The following ESYT2 variants were observed in gnomAD, a reference collection of about 807,000 sequenced individuals.
ESYT2 encodes extended synaptotagmin 2, also known as extended synaptotagmin-2.
ESYT2 carries 54 observed loss-of-function variants against 107.2 expected under a neutral mutation model. The ratio of observed to expected loss-of-function variants is 0.50; its 90% CI spans 0.40 to 0.63. The LOEUF (loss-of-function observed/expected upper bound fraction) is 0.63. Ranked by LOEUF, ESYT2 falls within the 30% of genes least tolerant of loss-of-function variation. The probability of loss-of-function intolerance (pLI) is 0.00; values close to 1 mark genes in which losing one functional copy is unlikely to be tolerated. For missense variants in ESYT2, 1,020 were observed against 1,094.5 expected, an observed-to-expected ratio of 0.93 and a Z score of 0.96; for synonymous variants, 491 against 434.1, an observed-to-expected ratio of 1.13 and a Z score of -1.63.
intron 11 of ESYT2, among the ~76,000 whole-genome samples, chr7:158,760,962 A>G (rs1006881950): frequency 3.3e-5 from 5 of 152,238 alleles, no homozygotes; most frequent in African/African-American, 1.2e-4. Context: ...TGCTTCATTT[A>G]TCTAAATCTT....
rs749928921 is a variant in ESYT2 at position 158,800,729 on chromosome 7, C to CT, written c.331-1658dup. ...TAGGTTTCTTTTTCTTTTTTCTTTT[C>CT]TTTTCTTTTTTTTTTTTGAGACAGA... On this transcript the variant is annotated intron_variant, in intron 1 of 22. Transcript: ENST00000275418. Among the ~76,000 whole-genome samples, 1,504 of 118,566 alleles carry CT rather than the reference C, an allele frequency of 0.013. 63 individuals carry two copies. The East Asian group carries it at 0.14, about 11-fold the overall frequency. 77.8% of individuals were successfully genotyped at this position (118,566 alleles called of 152,430 possible).
rs545551186 is a variant in ESYT2 at position 158,732,206 on chromosome 7, C to T, written c.*2001G>A. On this transcript the variant is annotated 3_prime_UTR_variant, in exon 23 of 23. Coordinates refer to ENST00000275418, the MANE Select transcript of ESYT2 (RefSeq NM_001367773.1). ...AAAAATTACTGGCATGCTACAATTT[C>T]CATGAGTGCTGCTGCTTTATAGATT... The T allele has an allele frequency of 2.6e-5, 4 of 152,302 alleles. No homozygotes were observed. The highest frequency in any genetic ancestry group is 3.9e-4 in the East Asian group (2 of 5,180). The allele number at this position is 152,302 out of a possible 1,614,324, so 9.4% of individuals were successfully genotyped here.
intron 7 of ESYT2, among the ~76,000 whole-genome samples, chr7:158,771,939 C>T (rs112718707): frequency 7.6e-4 from 115 of 151,876 alleles, no homozygotes; most frequent in African/African-American, 2.7e-3. Flanking sequence ...GCCAACATGG[C>T]GAAACCCCAT....
At chr7:158,806,278 A>G (rs1403095009) in intron 1 of ESYT2, among the ~76,000 whole-genome samples, 1 of 152,164 alleles carries the variant, frequency 6.6e-6, no homozygotes, top group African/African-American at 2.4e-5. Flanking sequence ...ATCAGAAAAC[A>G]GAGTCAAAGA....
intron 1 of ESYT2, 128 bp from the exon 2 acceptor site, chr7:158,799,200 C>A: frequency 1.2e-6 from 1 of 817,362 alleles, no homozygotes; most frequent in East Asian, 2.6e-5. Context: ...ACACTCTGCT[C>A]TAAAGCTTGG....
chr7:158,759,594 G>C lies in ESYT2; in HGVS notation c.1324-13C>G. The C allele has an allele frequency of 3.8e-6, 6 of 1,597,620 alleles. No individual in the cohort carries two copies. The highest frequency in any genetic ancestry group is 5.1e-6 in the Non-Finnish European group (6 of 1,168,322). ...TGTCTGTTAGCACCTAAAAGGAAAGGAAAAAGCCCTTAGCAGCCATGTTTC... is the reference window on the plus strand; with the variant it reads ...TGTCTGTTAGCACCTAAAAGGAAAGCAAAAAGCCCTTAGCAGCCATGTTTC... On this transcript the variant is annotated splice_polypyrimidine_tract_variant and intron_variant, in intron 12 of 22. Coordinates refer to ENST00000275418, the MANE Select transcript of ESYT2 (RefSeq NM_001367773.1).
intron 1 of ESYT2, among the ~76,000 whole-genome samples, chr7:158,814,302 T>C: frequency 2.5e-4 from 1 of 4,022 alleles, no homozygotes; most frequent in East Asian, 3.1e-3. Flanking sequence ...TATATATATA[T>C]ATATATATAT....
intron 16 of ESYT2, among the ~76,000 whole-genome samples, chr7:158,745,153 T>C (rs867022187): frequency 1.7e-5 from 2 of 119,462 alleles, no homozygotes; most frequent in South Asian, 2.6e-4. Context: ...TGAGACAGGG[T>C]CAGGCAAGCG....
chr7:158,792,821 C>T (rs535829719), intron 4 of ESYT2, among the ~76,000 whole-genome samples: 81 of 136,360 alleles, frequency 5.9e-4, no homozygotes, highest in African/African-American at 2.1e-3. Flanking sequence ...CAGGCTGGAG[C>T]GCAGTGGCAT....
At chr7:158,778,167 T>C (rs1051946367) in intron 6 of ESYT2, among the ~76,000 whole-genome samples, 1 of 152,218 alleles carries the variant, frequency 6.6e-6, no homozygotes, top group Non-Finnish European at 1.5e-5. Context: ...CAGGAAGTTT[T>C]GGGAAACAGA....
At chr7:158,764,597 CTG>C in intron 9 of ESYT2, 78 bp downstream of exon 9, 1 of 1,408,200 alleles carries the variant, frequency 7.1e-7, no homozygotes, top group Non-Finnish European at 9.7e-7. Context: ...TCCCACGTGA[CTG>C]TGCTGGAATG....
At chr7:158,794,858 C>A (rs767641423) in intron 3 of ESYT2, among the ~76,000 whole-genome samples, 1 of 152,194 alleles carries the variant, frequency 6.6e-6, no homozygotes, top group Non-Finnish European at 1.5e-5. Context: ...CACCTCTCAA[C>A]GAGCTGTCAA....
chr7:158,781,974 AAG>A (rs1838850596), intron 6 of ESYT2, among the ~76,000 whole-genome samples: 1 of 22,550 alleles, frequency 4.4e-5, no homozygotes, highest in African/African-American at 1.2e-4. Flanking sequence ...TGTGAGAACA[AAG>A]TGTGAGATGT....
At chr7:158,828,966 C>T in intron 1 of ESYT2, 123 bp downstream of exon 1, 2 of 1,401,118 alleles carry the variant, frequency 1.4e-6, no homozygotes, top group Admixed American at 3.2e-5. Flanking sequence ...AGGCGGGAGC[C>T]GGGGCAGGGC....
chr7:158,775,132 T>C (rs1005805200), intron 6 of ESYT2, among the ~76,000 whole-genome samples: 2 of 152,204 alleles, frequency 1.3e-5, no homozygotes, highest in African/African-American at 4.8e-5. Context: ...AAGGCATACT[T>C]AAGTGTGCAA....
intron 19 of ESYT2, among the ~76,000 whole-genome samples, chr7:158,738,651 C>T (rs868237886): frequency 6.6e-6 from 1 of 152,028 alleles, no homozygotes; most frequent in Non-Finnish European, 1.5e-5. Context: ...CAGGGTTTCT[C>T]CATTTTGGTC....
rs1046131374 is a variant in ESYT2 at position 158,763,131 on chromosome 7, T to G, written c.1136A>C (p.Glu379Ala). Reference protein sequence around the residue: ...LVYEHPGQELEIELFDEDPDK... With the variant: ...LVYEHPGQELAIELFDEDPDK... ...TGGGTCTTCATCAAAGAGCTCAATC[T>G]CTAATTCTTGTCCAGGATGTTCATA... is the stretch of plus-strand genomic sequence containing the variant. The change falls in exon 10 of 23, where the codon GAG (glutamate) becomes GCG (alanine). Residue 379 changes from glutamate to alanine, a missense_variant. By Grantham distance (107) the Glu-to-Ala change is moderately radical (BLOSUM62 -1). Coordinates refer to ENST00000275418, the MANE Select transcript of ESYT2 (RefSeq NM_001367773.1). 6.2e-7 allele frequency: 1 copy of G among 1,613,224 alleles called. No individual in the cohort carries two copies. Among genetic ancestry groups the G allele is most frequent in the South Asian group, 1.1e-5 (1 of 91,030 alleles).
Position 158,788,679 on chromosome 7 carries a change from TTATA to T in ESYT2, c.585-266_585-263del, listed in dbSNP as rs376153853. ...TCAATGGCTGTGGTTGTTGTTGGTC[TTATA>T]TATAAAACACTTAACTAAATATAAA... On this transcript the variant is annotated intron_variant, in intron 4 of 22. Transcript: ENST00000275418. Among the ~76,000 whole-genome samples, 25 of 152,354 alleles carry T rather than the reference TTATA, an allele frequency of 1.6e-4. 1 individual carries two copies. In the East Asian group the frequency reaches 2.9e-3, roughly 18 times the overall value.
intron 6 of ESYT2, among the ~76,000 whole-genome samples, chr7:158,777,890 A>C (rs1179264257): frequency 6.6e-6 from 1 of 152,234 alleles, no homozygotes; most frequent in African/African-American, 2.4e-5. Flanking sequence ...AGAATTGCCG[A>C]AACATGACAC....
Sources: allele counts gnomAD v4.1 joint callset (sites outside exome capture counted in the v4.1 genomes callset), GRCh38; gene constraint gnomAD v4.1.1; transcripts MANE v1.5; gene names NCBI Gene and HGNC (gene_info 2026-07-23, HGNC 2026-07-21).